The following SLC4A10 variants were observed in gnomAD, a reference collection of about 807,000 sequenced individuals.
SLC4A10 encodes sodium-driven chloride bicarbonate exchanger.
In SLC4A10, 42 loss-of-function variants were observed where a neutral mutation model predicts 137.7. The ratio of observed to expected loss-of-function variants is 0.30; its 90% CI spans 0.24 to 0.39. SLC4A10 has a LOEUF of 0.39. Ranked by LOEUF, SLC4A10 falls within the 10% of genes least tolerant of loss-of-function variation. SLC4A10 has a pLI of 1.00. For missense variants in SLC4A10, 925 were observed against 1,355.0 expected (o/e 0.68, Z 4.98); for synonymous variants, 474 against 464.1 (o/e 1.02, Z -0.27).
At chr2:161,641,675 GACATC>G (rs1306477965) in intron 1 of SLC4A10, among the ~76,000 whole-genome samples, 1 of 151,978 alleles carries the variant, frequency 6.6e-6, no homozygotes, top group East Asian at 1.9e-4. Context: ...ACAACTTTCT[GACATC>G]AGTCCTCTTA....
chr2:161,916,206 A>G (rs1217921099), intron 15 of SLC4A10, among the ~76,000 whole-genome samples: 1 of 152,220 alleles, frequency 6.6e-6, no homozygotes, highest in Non-Finnish European at 1.5e-5. Context: ...TTTGTATTTT[A>G]GTCCATTTAT....
intron 1 of SLC4A10, among the ~76,000 whole-genome samples, 166 bp from the exon 2 acceptor site, chr2:161,770,807 C>T (rs1574879435): frequency 6.6e-6 from 1 of 151,780 alleles, no homozygotes; most frequent in East Asian, 1.9e-4. Flanking sequence ...ATTTATTTTA[C>T]TCTTCTTTTT....
intron 2 of SLC4A10, among the ~76,000 whole-genome samples, chr2:161,773,365 C>G (rs2051900932): frequency 6.6e-6 from 1 of 151,820 alleles, no homozygotes; most frequent in African/African-American, 2.4e-5. Context: ...CAACACACGC[C>G]TTTTGGGAAC....
At chr2:161,974,450 G>T in intron 24 of SLC4A10, 134 bp downstream of exon 24, 4 of 628,396 alleles carry the variant, frequency 6.4e-6, no homozygotes, top group Non-Finnish European at 1.0e-5. Flanking sequence ...CGAAGAGTTA[G>T]ATAACATGGG....
chr2:161,838,782 A>C (rs1164457209), intron 3 of SLC4A10, among the ~76,000 whole-genome samples: 1 of 152,252 alleles, frequency 6.6e-6, no homozygotes, highest in Admixed American at 6.5e-5. Flanking sequence ...ATACCACTAC[A>C]TAGAATGGCT....
chr2:161,802,965 C>G (rs1039446876), intron 2 of SLC4A10, among the ~76,000 whole-genome samples: 1 of 152,056 alleles, frequency 6.6e-6, no homozygotes, highest in Non-Finnish European at 1.5e-5. Flanking sequence ...ATATAAACCT[C>G]GGGGGACATA....
chr2:161,704,466 G>C (rs1225796582), intron 1 of SLC4A10, among the ~76,000 whole-genome samples: 1 of 151,592 alleles, frequency 6.6e-6, no homozygotes, highest in Non-Finnish European at 1.5e-5. Context: ...TTAGTAAAAA[G>C]AGGAAGCACA....
At chr2:161,789,693 A>G (rs1437347389) in intron 2 of SLC4A10, among the ~76,000 whole-genome samples, 7 of 152,224 alleles carry the variant, frequency 4.6e-5, no homozygotes, top group Non-Finnish European at 1.5e-5. Context: ...ATGACTGTAC[A>G]TAACAAATTG....
intron 1 of SLC4A10, among the ~76,000 whole-genome samples, chr2:161,752,448 C>T (rs2049087955): frequency 6.6e-6 from 1 of 151,882 alleles, no homozygotes; most frequent in Admixed American, 6.6e-5. Flanking sequence ...AACGCATGGG[C>T]CTCTGTTTAA....
At chr2:161,628,797 T>C (rs2032967149) in intron 1 of SLC4A10, among the ~76,000 whole-genome samples, 1 of 152,020 alleles carries the variant, frequency 6.6e-6, no homozygotes, top group East Asian at 1.9e-4. Context: ...AGGTTGGGAA[T>C]GAGTGGTAGA....
At position 161,711,628 on chromosome 2, in the gene SLC4A10, G is replaced by A. The variant is rs73003419; in HGVS notation, c.49-59345G>A. Among the ~76,000 whole-genome samples, 978 of 151,852 alleles carry A rather than the reference G, an allele frequency of 6.4e-3. 8 individuals are homozygous for A. Among genetic ancestry groups the A allele is most frequent in the African/African-American group, 0.022 (930 of 41,470 alleles). ...TCCCCAGAATCCCAAACTGGAACAC[G>A]CTGCCTGATAGTGCCTCCAAAGTGC... is the stretch of plus-strand genomic sequence containing the variant. On this transcript the variant is annotated intron_variant, in intron 1 of 26. Coordinates refer to ENST00000446997, the MANE Select transcript of SLC4A10 (RefSeq NM_001178015.2).
chr2:161,934,119 G>T (rs953694808), intron 15 of SLC4A10, among the ~76,000 whole-genome samples: 1 of 152,126 alleles, frequency 6.6e-6, no homozygotes, highest in Non-Finnish European at 1.5e-5. Context: ...GAGTAAATGA[G>T]ATATCCATTA....
chr2:161,808,514 C>A (rs1295881941), intron 3 of SLC4A10, among the ~76,000 whole-genome samples: 1 of 152,004 alleles, frequency 6.6e-6, no homozygotes, highest in African/African-American at 2.4e-5. Flanking sequence ...ATGGATGGTC[C>A]TATCACCTAG....
chr2:161,855,609 CG>C (rs990923209), intron 5 of SLC4A10, among the ~76,000 whole-genome samples: 34 of 152,012 alleles, frequency 2.2e-4, no homozygotes, highest in Admixed American at 2.2e-3. Flanking sequence ...AGTTAGGATT[CG>C]TTTTGTAATT....
At chr2:161,783,683 T>A (rs1396500981) in intron 2 of SLC4A10, among the ~76,000 whole-genome samples, 2 of 151,786 alleles carry the variant, frequency 1.3e-5, no homozygotes, top group Admixed American at 6.6e-5. Flanking sequence ...TCATTGAACT[T>A]AAGTTGTTAT....
intron 1 of SLC4A10, among the ~76,000 whole-genome samples, chr2:161,739,607 G>T (rs1210752357): frequency 6.6e-6 from 1 of 152,140 alleles, no homozygotes; most frequent in Admixed American, 6.5e-5. Flanking sequence ...CTCCTATCAA[G>T]ATCCATTTTT....
intron 3 of SLC4A10, among the ~76,000 whole-genome samples, chr2:161,836,871 G>A (rs1220361640): frequency 6.6e-6 from 1 of 152,128 alleles, no homozygotes; most frequent in Non-Finnish European, 1.5e-5. Flanking sequence ...TTCTCATTAA[G>A]AAATATGAGG....
intron 3 of SLC4A10, among the ~76,000 whole-genome samples, chr2:161,806,684 T>C (rs1162302799): frequency 6.6e-6 from 1 of 152,110 alleles, no homozygotes; most frequent in African/African-American, 2.4e-5. Context: ...TGAGACCACC[T>C]GAGATTGCCT....
At chr2:161,927,151 T>C (rs1689307712) in intron 15 of SLC4A10, among the ~76,000 whole-genome samples, 1 of 152,216 alleles carries the variant, frequency 6.6e-6, no homozygotes, top group Non-Finnish European at 1.5e-5. Context: ...TCCTGCGGAG[T>C]GTTTTCCAAC....
Sources: allele counts gnomAD v4.1 joint callset (sites outside exome capture counted in the v4.1 genomes callset), GRCh38; gene constraint gnomAD v4.1.1; transcripts MANE v1.5; gene names NCBI Gene and HGNC (gene_info 2026-07-23, HGNC 2026-07-21).